CHLSN: variants seen among roughly 807,000 people sequenced by gnomAD.
The protein encoded by CHLSN is cholesin.
the CHLSN span, among the ~76,000 whole-genome samples, chr7:1,094,244 C>A: frequency 2.0e-5 from 3 of 152,216 alleles, no homozygotes; most frequent in African/African-American, 7.2e-5. Context: ...CCCCTCCTTT[C>A]CCGCCTCACC....
the CHLSN span, among the ~76,000 whole-genome samples, chr7:1,008,969 G>C: frequency 1.3e-5 from 2 of 149,480 alleles, no homozygotes; most frequent in Middle Eastern, 7.0e-3. Context: ...ACACACATGC[G>C]TGCACACACA....
chr7:1,049,668 C>T, the CHLSN span, among the ~76,000 whole-genome samples: 2 of 152,222 alleles, frequency 1.3e-5, no homozygotes, highest in African/African-American at 4.8e-5. Flanking sequence ...TTCCTATTAG[C>T]AGGCTTACTA....
the CHLSN span, among the ~76,000 whole-genome samples, chr7:1,130,277 T>G: frequency 6.6e-6 from 1 of 152,194 alleles, no homozygotes; most frequent in African/African-American, 2.4e-5. Context: ...AAGAGGCAGC[T>G]GAGGCCACCA....
At chr7:1,030,045 G>A in the CHLSN span, among the ~76,000 whole-genome samples, 1 of 152,192 alleles carries the variant, frequency 6.6e-6, no homozygotes, top group Non-Finnish European at 1.5e-5. Context: ...AAGGAAGTGT[G>A]TGCTCAGTCA....
chr7:1,072,112 G>A, the CHLSN span, among the ~76,000 whole-genome samples: 1 of 152,176 alleles, frequency 6.6e-6, no homozygotes, highest in Non-Finnish European at 1.5e-5. Flanking sequence ...GCCTAAGCGG[G>A]GATCCAAGAT....
At chr7:1,127,515 A>G in the CHLSN span, 6 of 949,038 alleles carry the variant, frequency 6.3e-6, no homozygotes, top group African/African-American at 8.4e-5. Context: ...AAAACATATA[A>G]AAGTTAAAAT....
At chr7:1,067,181 G>T in the CHLSN span, among the ~76,000 whole-genome samples, 1 of 148,658 alleles carries the variant, frequency 6.7e-6, no homozygotes, top group Non-Finnish European at 1.5e-5. Context: ...ACCCAGAGGT[G>T]AGGGTTTGGG....
the CHLSN span, chr7:1,057,405 G>A: frequency 1.6e-6 from 1 of 610,946 alleles, no homozygotes; most frequent in Non-Finnish European, 2.9e-6. Context: ...TACTGCACCA[G>A]GAGAAGGCAC....
At chr7:978,235 G>A in the CHLSN span, among the ~76,000 whole-genome samples, 1 of 152,186 alleles carries the variant, frequency 6.6e-6, no homozygotes, top group Non-Finnish European at 1.5e-5. Context: ...AGTGGGGAAG[G>A]GGCTGGGGGC....
chr7:1,029,446 G>T, the CHLSN span, among the ~76,000 whole-genome samples: 1 of 152,198 alleles, frequency 6.6e-6, no homozygotes, highest in Non-Finnish European at 1.5e-5. Flanking sequence ...TTTTTGGAGA[G>T]ATGGGGTCTC....
chr7:1,124,233 CAGG>C, the CHLSN span, among the ~76,000 whole-genome samples: 2 of 152,004 alleles, frequency 1.3e-5, no homozygotes, highest in African/African-American at 2.4e-5. Context: ...CTCACTTGGG[CAGG>C]AGTTTTAACC....
At chr7:1,023,442 G>A in the CHLSN span, among the ~76,000 whole-genome samples, 13 of 151,918 alleles carry the variant, frequency 8.6e-5, no homozygotes, top group African/African-American at 3.1e-4. The surrounding 1 kb of genome is among the most constrained non-coding windows in gnomAD (Gnocchi z 5.0). Flanking sequence ...CAGCCCCAGC[G>A]CCCCTCTGAC....
At chr7:1,134,171 G>A in the CHLSN span, among the ~76,000 whole-genome samples, 1 of 151,970 alleles carries the variant, frequency 6.6e-6, no homozygotes, top group South Asian at 2.1e-4. Flanking sequence ...TACTTGGGAG[G>A]TTGAGGCAGG....
the CHLSN span, chr7:1,058,641 T>G: frequency 1.6e-6 from 1 of 613,636 alleles, no homozygotes; most frequent in Non-Finnish European, 3.0e-6. Context: ...GGGGTGTTTT[T>G]CTTGAAGTTT....
the CHLSN span, chr7:984,811 AG>A: frequency 2.4e-6 from 3 of 1,271,438 alleles, no homozygotes; most frequent in Non-Finnish European, 3.2e-6. Flanking sequence ...GGGCCAGCCC[AG>A]GGGGACGGGA....
chr7:1,134,347 G>A, the CHLSN span, among the ~76,000 whole-genome samples: 1 of 151,986 alleles, frequency 6.6e-6, no homozygotes, highest in Non-Finnish European at 1.5e-5. Context: ...GCCGAGGTGG[G>A]CAGATCACCT....
chr7:1,048,985 AAAACCATAAAACTGC>A, the CHLSN span, among the ~76,000 whole-genome samples: 1 of 152,310 alleles, frequency 6.6e-6, no homozygotes, highest in Non-Finnish European at 1.5e-5. Flanking sequence ...TCAGAACATA[AAAACCATAAAACTGC>A]AAAGCCTCTG....
chr7:1,030,591 T>G, the CHLSN span, among the ~76,000 whole-genome samples: 9 of 152,226 alleles, frequency 5.9e-5, no homozygotes, highest in African/African-American at 9.7e-5. Flanking sequence ...CCAGCTGCTA[T>G]GCCTTCCTAG....
At chr7:988,797 C>A in the CHLSN span, 4 of 1,590,480 alleles carry the variant, frequency 2.5e-6, no homozygotes, top group Non-Finnish European at 3.4e-6. Flanking sequence ...AGGGCCCAGG[C>A]CCTGTGTGCG....
Sources: gnomAD v4.1 joint callset for allele counts (sites outside exome capture counted in the v4.1 genomes callset) on GRCh38, gnomAD v4.1.1 for gene constraint, Gnocchi (gnomAD v3.1) non-coding constraint, MANE v1.5 for transcripts, NCBI Gene and HGNC (gene_info 2026-07-23, HGNC 2026-07-21) for gene names.